Variants in TANC2 observed in about 807,000 individuals in gnomAD.
TANC2 encodes the protein tetratricopeptide repeat, ankyrin repeat and coiled-coil containing 2.
Under a neutral mutation model 210.5 loss-of-function variants are expected in TANC2, and 26 were observed. The ratio of observed to expected loss-of-function variants is 0.12; its 90% confidence interval spans 0.09 to 0.17. TANC2 has a LOEUF of 0.17. Ranked by LOEUF, TANC2 falls within the 10% of genes least tolerant of loss-of-function variation. The probability of loss-of-function intolerance (pLI) is 1.00; values close to 1 mark genes in which losing one functional copy is unlikely to be tolerated. For synonymous variants in TANC2, 931 were observed against 967.1 expected, an observed-to-expected ratio of 0.96 and a Z score of 0.69; for missense variants, 2,129 against 2,608.9, an observed-to-expected ratio of 0.82 and a Z score of 4.01.
At chr17:63,287,419 A>G (rs2044257749) in intron 9 of TANC2, among the ~76,000 whole-genome samples, 1 of 151,966 alleles carries the variant, frequency 6.6e-6, no homozygotes, top group Non-Finnish European at 1.5e-5. Context: ...TATGAATCAT[A>G]TTTTCTTGCT....
chr17:63,338,293 C>T (rs1423037034), intron 11 of TANC2, among the ~76,000 whole-genome samples: 1 of 152,166 alleles, frequency 6.6e-6, no homozygotes, highest in Non-Finnish European at 1.5e-5. Flanking sequence ...GCAACTTCAG[C>T]ATTGTCTTTT....
chr17:63,034,817 A>G (rs1187475987), intron 2 of TANC2, among the ~76,000 whole-genome samples: 2 of 152,186 alleles, frequency 1.3e-5, no homozygotes, highest in Non-Finnish European at 2.9e-5. Flanking sequence ...TCATGATAAA[A>G]CTTGAATGGA....
intron 2 of TANC2, among the ~76,000 whole-genome samples, chr17:63,068,110 G>T (rs536349809): frequency 3.3e-5 from 5 of 152,138 alleles, no homozygotes; most frequent in Non-Finnish European, 7.4e-5. Flanking sequence ...CAATTTGAAT[G>T]ACTGTAGATT....
Position 63,255,025 on chromosome 17 carries a change from T to C in TANC2, c.1034-12723T>C, listed in dbSNP as rs897955635. On this transcript the variant is annotated intron_variant, in intron 8 of 27. Coordinates refer to ENST00000689528, the Ensembl canonical transcript of TANC2. ...GGAAATACTCTCCTCCTCTACTTTTTTGAATAGTTTGAGTAGGATTGGGAA... is the reference window on the plus strand; with the variant it reads ...GGAAATACTCTCCTCCTCTACTTTTCTGAATAGTTTGAGTAGGATTGGGAA... Among the ~76,000 whole-genome samples, 6 of 151,918 alleles carry C rather than the reference T, an allele frequency of 3.9e-5. 1 individual carries two copies. The highest frequency in any genetic ancestry group is 8.8e-5 in the Non-Finnish European group (6 of 67,930).
At chr17:63,253,576 C>T (rs2043110117) in intron 8 of TANC2, among the ~76,000 whole-genome samples, 1 of 152,104 alleles carries the variant, frequency 6.6e-6, no homozygotes, top group Non-Finnish European at 1.5e-5. Flanking sequence ...AGTTTGGGGT[C>T]TTAAACTTAA....
chr17:63,101,903 G>A (rs886894730), intron 4 of TANC2, among the ~76,000 whole-genome samples: 1 of 152,144 alleles, frequency 6.6e-6, no homozygotes, highest in African/African-American at 2.4e-5. Context: ...AGAGCTAACA[G>A]TCAGAACAAA....
chr17:63,418,267 T>G lies in TANC2; in HGVS notation c.4168-40T>G, dbSNP rs1228634716. 6.4e-7 allele frequency: 1 copy of G among 1,559,006 alleles called. No individual in the cohort carries two copies. The highest frequency in any genetic ancestry group is 8.8e-7 in the Non-Finnish European group (1 of 1,140,466). On this transcript the variant is annotated intron_variant, in intron 26 of 27. Coordinates refer to ENST00000689528, the Ensembl canonical transcript of TANC2. This position sits in a 1 kb window ranked among gnomAD's most constrained non-coding sequence, Gnocchi z 4.6. ...ATTCCCAAGTTGTCTATTTTTTATA[T>G]CTCATCAATGACTCATTTGCACACC...
At chr17:62,977,315 A>G (rs1192744921) in intron 1 of TANC2, among the ~76,000 whole-genome samples, 1 of 152,020 alleles carries the variant, frequency 6.6e-6, no homozygotes, top group African/African-American at 2.4e-5. Context: ...ATTTTCTCTT[A>G]GTTTCATCTT....
intron 7 of TANC2, among the ~76,000 whole-genome samples, chr17:63,221,047 A>C (rs1468183013): frequency 2.0e-5 from 3 of 152,054 alleles, no homozygotes; most frequent in Non-Finnish European, 4.4e-5. Context: ...TGTTAGGCAA[A>C]AATTTTTAAA....
At chr17:63,036,279 G>GT (rs2034969345) in intron 2 of TANC2, among the ~76,000 whole-genome samples, 1 of 151,894 alleles carries the variant, frequency 6.6e-6, no homozygotes, top group Non-Finnish European at 1.5e-5. Context: ...ATGATTTATT[G>GT]TTTTTTATAT....
Position 63,060,990 on chromosome 17 carries a change from G to T in TANC2, c.68-12953G>T, listed in dbSNP as rs1446862365. The stretch of plus-strand genomic sequence containing the variant: ...TGGGAGGTGGAGGCAGGAGGTGGAG[G>T]CTCTTTTTGAGCCCAGGAGTTTGAG... On this transcript the variant is annotated intron_variant, in intron 2 of 27. Coordinates refer to ENST00000689528, the Ensembl canonical transcript of TANC2. Among the ~76,000 whole-genome samples the T allele has an allele frequency of 3.9e-5, 6 of 152,136 alleles. 1 individual carries two copies. Among genetic ancestry groups the T allele is most frequent in the Admixed American group, 3.9e-4 (6 of 15,284 alleles).
At chr17:63,104,091 G>A (rs571675071) in intron 4 of TANC2, among the ~76,000 whole-genome samples, 1 of 152,126 alleles carries the variant, frequency 6.6e-6, no homozygotes, top group South Asian at 2.1e-4. Flanking sequence ...GATTTTTATT[G>A]TTTCAAGTAA....
At position 63,381,810 on chromosome 17, in the gene TANC2, A is replaced by T. The variant is rs116538364; in HGVS notation, c.2691+1984A>T. ...TTCAAAAATCTTGAGCAAGCTTATC[A>T]CTGGCTGCTAAACAGTTTTGTAAAT... On this transcript the variant is annotated intron_variant, in intron 15 of 27. Transcript: ENST00000689528. Among the ~76,000 whole-genome samples, 470 of 152,328 alleles carry T rather than the reference A, an allele frequency of 3.1e-3. 6 individuals are homozygous for T. The highest frequency in any genetic ancestry group is 0.011 in the African/African-American group (463 of 41,574).
intron 4 of TANC2, among the ~76,000 whole-genome samples, chr17:63,108,975 A>G (rs1237964827): frequency 2.6e-5 from 4 of 151,536 alleles, no homozygotes; most frequent in Admixed American, 1.3e-4. Flanking sequence ...CTAAAATTTT[A>G]AAGTTTTAAA....
At chr17:63,018,374 A>G (rs1055935952) in intron 2 of TANC2, among the ~76,000 whole-genome samples, 2 of 151,700 alleles carry the variant, frequency 1.3e-5, no homozygotes, top group African/African-American at 4.8e-5. Context: ...CCAGCTCCTC[A>G]GGAGGCTGAG....
intron 1 of TANC2, among the ~76,000 whole-genome samples, chr17:62,973,310 G>A (rs919425598): frequency 6.6e-6 from 1 of 152,194 alleles, no homozygotes; most frequent in African/African-American, 2.4e-5. Context: ...GGGATTACGG[G>A]CATGAGCCAC....
intron 4 of TANC2, among the ~76,000 whole-genome samples, chr17:63,109,068 A>C (rs2037934342): frequency 6.6e-6 from 1 of 151,638 alleles, no homozygotes; most frequent in South Asian, 2.1e-4. Context: ...TTATGTATTA[A>C]AACTTATGAA....
intron 12 of TANC2, among the ~76,000 whole-genome samples, chr17:63,348,072 C>T (rs1347588639): frequency 6.6e-6 from 1 of 152,182 alleles, no homozygotes. Context: ...TCAGCTGAGA[C>T]ACTAATTTGT....
chr17:63,109,361 A>G (rs1240737179), intron 4 of TANC2, among the ~76,000 whole-genome samples: 1 of 151,694 alleles, frequency 6.6e-6, no homozygotes, highest in Non-Finnish European at 1.5e-5. Flanking sequence ...AACATACAGA[A>G]CAAGAAATTA....
Sources: gnomAD v4.1 joint callset for allele counts (sites outside exome capture counted in the v4.1 genomes callset) on GRCh38, gnomAD v4.1.1 for gene constraint, Gnocchi (gnomAD v3.1) non-coding constraint, MANE v1.5 for transcripts, NCBI Gene and HGNC (gene_info 2026-07-23, HGNC 2026-07-21) for gene names.